Variants in KCNT2 observed in about 807,000 individuals in gnomAD.
KCNT2 encodes potassium channel subfamily T member 2.
Under a neutral mutation model 153.8 loss-of-function variants are expected in KCNT2, and 67 were observed. The observed-to-expected ratio is 0.44, with a 90% confidence interval of 0.36 to 0.53. The LOEUF (loss-of-function observed/expected upper bound fraction) is 0.53. Ranked by LOEUF, KCNT2 falls within the 20% of genes least tolerant of loss-of-function variation. KCNT2 has a pLI of 0.00. For missense variants in KCNT2, 975 were observed against 1,354.8 expected, an observed-to-expected ratio of 0.72 and a Z score of 4.40; for synonymous variants, 500 against 458.8, an observed-to-expected ratio of 1.09 and a Z score of -1.15.
Position 196,368,052 on chromosome 1 carries a change from CAGAT to C in KCNT2, c.1403+5084_1403+5087del, listed in dbSNP as rs139503968. Among the ~76,000 whole-genome samples, 566 of 152,260 alleles carry C rather than the reference CAGAT, an allele frequency of 3.7e-3. 11 individuals are homozygous for C. The highest frequency in any genetic ancestry group is 0.031 in the East Asian group (162 of 5,180). Reference sequence around the variant, plus strand: ...ACGTGCTCTGATGACGTCACTGAGTCAGATAGCCTGCTCTGGATGCTGAACCCAT... The same window carrying C: ...ACGTGCTCTGATGACGTCACTGAGTCAGCCTGCTCTGGATGCTGAACCCAT... On this transcript the variant is annotated intron_variant, in intron 14 of 27. Transcript: ENST00000294725.
intron 1 of KCNT2, among the ~76,000 whole-genome samples, chr1:196,556,960 G>GAAAAAA (rs1658753223): frequency 6.6e-6 from 1 of 151,270 alleles, no homozygotes; most frequent in African/African-American, 2.4e-5. Context: ...AAAAAGAATG[G>GAAAAAA]AAGGATGGTT....
intron 27 of KCNT2, 147 bp from the exon 28 acceptor site, chr1:196,228,482 G>C (rs1427745950): frequency 1.9e-6 from 1 of 518,912 alleles, no homozygotes; most frequent in Non-Finnish European, 3.3e-6. Context: ...AGAACTCACT[G>C]TTTGGTTGGC....
intron 1 of KCNT2, among the ~76,000 whole-genome samples, chr1:196,601,127 C>T (rs1170447162): frequency 3.3e-5 from 5 of 152,236 alleles, no homozygotes; most frequent in Non-Finnish European, 7.3e-5. Flanking sequence ...ATGCCTTGCT[C>T]TCTCCCAGCA....
chr1:196,296,495 A>T (rs539495141), intron 22 of KCNT2, among the ~76,000 whole-genome samples: 1 of 152,134 alleles, frequency 6.6e-6, no homozygotes, highest in East Asian at 1.9e-4. Context: ...CAAATGATAC[A>T]AATTCTACAT....
rs1665690043 is a variant in KCNT2 at position 196,342,100 on chromosome 1, GC to G, written c.1531del (p.Ala511ProfsTer13). 2 of 1,604,628 alleles carry G rather than the reference GC, an allele frequency of 1.2e-6. No homozygotes were observed. Among genetic ancestry groups the G allele is most frequent in the Non-Finnish European group, 1.7e-6 (2 of 1,175,274 alleles). ...ATACTTTTTGTGTGCATGGAAAGAGGCATATGTAAAACTCTTTCCTTCATAT... is the reference window on the plus strand; with the variant it reads ...ATACTTTTTGTGTGCATGGAAAGAGGATATGTAAAACTCTTTCCTTCATAT... ...AEYEGKSFTY[A>X]SFHAHKKFGV... On this transcript the variant is annotated frameshift_variant, in exon 15 of 28. Coordinates refer to ENST00000294725, the MANE Select transcript of KCNT2 (RefSeq NM_198503.5). LOFTEE classifies it high-confidence loss of function.
chr1:196,463,781 G>A (rs926263473), intron 8 of KCNT2, among the ~76,000 whole-genome samples: 8 of 151,640 alleles, frequency 5.3e-5, no homozygotes, highest in Non-Finnish European at 1.2e-4. Context: ...ATTTGTCTAG[G>A]TGCCACCTAT....
At chr1:196,521,432 C>A (rs1402302858) in intron 1 of KCNT2, among the ~76,000 whole-genome samples, 1 of 152,168 alleles carries the variant, frequency 6.6e-6, no homozygotes. Context: ...TTTGACCCAA[C>A]AATCCCATTA....
intron 25 of KCNT2, among the ~76,000 whole-genome samples, chr1:196,264,964 C>T (rs1411131839): frequency 3.9e-5 from 6 of 152,122 alleles, no homozygotes; most frequent in African/African-American, 1.2e-4. Flanking sequence ...GAAAGCCAAG[C>T]CAGTTTCTTT....
Position 196,238,324 on chromosome 1 carries a change from AT to A in KCNT2, c.3212-2255del, listed in dbSNP as rs911052843. 6.6e-5 allele frequency among the ~76,000 whole-genome samples: 10 copies of A among 151,766 alleles called. No homozygotes were observed. The East Asian group carries it at 1.4e-3, about 21-fold the overall frequency. On this transcript the variant is annotated intron_variant, in intron 26 of 27. Coordinates refer to ENST00000294725, the MANE Select transcript of KCNT2 (RefSeq NM_198503.5). Reference sequence around the variant, plus strand: ...TGGGAGATATGATTTTTGTGCCAATATTTTTTTTCTGCTTAAGTAGCCTGTA... The same window carrying A: ...TGGGAGATATGATTTTTGTGCCAATATTTTTTTCTGCTTAAGTAGCCTGTA...
rs766366078 is a variant in KCNT2, at chr1:196,465,382, A to G, written c.549T>C (p.Asp183=). Residue 183 remains aspartate (D), a synonymous_variant, in exon 8 of 28, where the codon GAT becomes GAC. Transcript: ENST00000294725. ...AKHALENMIN[D]LHRAIQRTQS... The stretch of plus-strand genomic sequence containing the variant: ...GTGTACGCTGAATGGCTCTGTGTAG[A>G]TCATTCTAAAATAATACAGAAAAAA... 49 of 1,589,014 alleles carry G rather than the reference A, an allele frequency of 3.1e-5. 1 individual carries two copies. In the South Asian group the frequency reaches 5.1e-4, roughly 17 times the overall value.
At chr1:196,301,049 G>A (rs962827473) in intron 22 of KCNT2, among the ~76,000 whole-genome samples, 1 of 152,070 alleles carries the variant, frequency 6.6e-6, no homozygotes, top group Non-Finnish European at 1.5e-5. Flanking sequence ...CAATTACTCT[G>A]GTCTCTTCTT....
At chr1:196,463,643 T>A (rs1409583385) in intron 8 of KCNT2, among the ~76,000 whole-genome samples, 1 of 151,698 alleles carries the variant, frequency 6.6e-6, no homozygotes, top group Non-Finnish European at 1.5e-5. Flanking sequence ...ATAACTATTA[T>A]ACCAAATAAA....
Position 196,538,121 on chromosome 1 carries a change from C to T in KCNT2, c.96-45780G>A, listed in dbSNP as rs140537587. 2.9e-3 allele frequency among the ~76,000 whole-genome samples: 434 copies of T among 152,138 alleles called. 10 individuals are homozygous for T. Among genetic ancestry groups the T allele is most frequent in the East Asian group, 6.8e-3 (35 of 5,146 alleles). On this transcript the variant is annotated intron_variant, in intron 1 of 27. Transcript: ENST00000294725. ...GTACTTCTCCTAGTGCAGTTAAAAA[C>T]GCCCATCCAACTCTGCCAGCAAAGA... is the stretch of plus-strand genomic sequence containing the variant.
intron 1 of KCNT2, among the ~76,000 whole-genome samples, chr1:196,539,712 A>G (rs1656082772): frequency 6.6e-6 from 1 of 151,954 alleles, no homozygotes; most frequent in Non-Finnish European, 1.5e-5. Context: ...TCAATATTAG[A>G]TTTTGCTTTA....
At chr1:196,368,704 C>A (rs1404740858) in intron 14 of KCNT2, among the ~76,000 whole-genome samples, 1 of 152,106 alleles carries the variant, frequency 6.6e-6, no homozygotes, top group Non-Finnish European at 1.5e-5. Context: ...CTTTCCTTTT[C>A]TTCACTCTAT....
chr1:196,230,656 A>G (rs1021349918), intron 27 of KCNT2, among the ~76,000 whole-genome samples: 1 of 152,008 alleles, frequency 6.6e-6, no homozygotes, highest in Non-Finnish European at 1.5e-5. Context: ...AAGTAACTGC[A>G]GTTGTGGTAG....
chr1:196,320,653 A>T (rs1320048912), intron 19 of KCNT2, among the ~76,000 whole-genome samples: 1 of 151,586 alleles, frequency 6.6e-6, no homozygotes, highest in Non-Finnish European at 1.5e-5. Flanking sequence ...CCTGTTGGTC[A>T]TCCTTCTAGC....
rs537084055 is a variant in KCNT2, at chr1:196,299,763, G to A, written c.2595+5471C>T. Among the ~76,000 whole-genome samples, 7 of 152,170 alleles carry A rather than the reference G, an allele frequency of 4.6e-5. No homozygotes were observed. The South Asian group carries it at 1.5e-3, about 32-fold the overall frequency. On this transcript the variant is annotated intron_variant, in intron 22 of 27. Transcript: ENST00000294725. ...CTCACTGCTAGGTATACATCCAAAG[G>A]AAAGAAAATTAGTATTTCAAAGAGG...
chr1:196,421,957 A>G (rs979604405), intron 12 of KCNT2, among the ~76,000 whole-genome samples: 1 of 151,986 alleles, frequency 6.6e-6, no homozygotes, highest in Non-Finnish European at 1.5e-5. Context: ...CACTGGTCAT[A>G]TTGGATTAGC....
Sources: allele counts gnomAD v4.1 joint callset (sites outside exome capture counted in the v4.1 genomes callset), GRCh38; gene constraint gnomAD v4.1.1; transcripts MANE v1.5; gene names NCBI Gene and HGNC (gene_info 2026-07-23, HGNC 2026-07-21).